Variants in ZNF480 observed in about 807,000 individuals in gnomAD.
ZNF480 encodes zinc finger protein 480.
Under a neutral mutation model 14.4 loss-of-function variants are expected in ZNF480, and 15 were observed. The observed-to-expected ratio is 1.04, with a 90% confidence interval of 0.70 to 1.60. ZNF480 has a LOEUF of 1.60. ZNF480 is among the 40% of genes most tolerant of loss of function. The probability of loss-of-function intolerance (pLI) is 0.00; values close to 1 mark genes in which losing one functional copy is unlikely to be tolerated. For synonymous variants in ZNF480, 218 were observed against 215.5 expected (o/e 1.01, Z -0.10); for missense variants, 593 against 629.7 (o/e 0.94, Z 0.62).
chr19:52,297,319 G>T (rs747307739), intron 1 of ZNF480, 96 bp downstream of exon 1: 14 of 410,950 alleles, frequency 3.4e-5, no homozygotes, highest in South Asian at 1.5e-4. Context: ...TGAAATCCTC[G>T]CACCGCTCCC....
intron 3 of ZNF480, among the ~76,000 whole-genome samples, chr19:52,315,299 C>T (rs1170429722): frequency 1.3e-5 from 2 of 151,608 alleles, no homozygotes; most frequent in Admixed American, 1.3e-4. Context: ...CTGTTTTCTA[C>T]TCCTGTGCTT....
intron 4 of ZNF480, among the ~76,000 whole-genome samples, chr19:52,320,684 C>G (rs1018653544): frequency 2.0e-5 from 3 of 152,212 alleles, no homozygotes; most frequent in Admixed American, 6.5e-5. Context: ...CCCAGTTACT[C>G]GGGAGGCTGA....
chr19:52,297,615 C>T (rs3810121), intron 1 of ZNF480, among the ~76,000 whole-genome samples: 5 of 152,142 alleles, frequency 3.3e-5, no homozygotes, highest in Non-Finnish European at 7.4e-5. Context: ...CAGGAGAAGC[C>T]GCGTCTTCTG....
chr19:52,310,012 TA>T (rs1405772877), intron 2 of ZNF480, among the ~76,000 whole-genome samples: 2 of 152,224 alleles, frequency 1.3e-5, no homozygotes, highest in South Asian at 2.1e-4. Flanking sequence ...TTTTTCAATA[TA>T]TTTTTTTCTT....
intron 2 of ZNF480, among the ~76,000 whole-genome samples, chr19:52,309,405 G>C (rs1411898887): frequency 6.6e-6 from 1 of 152,188 alleles, no homozygotes; most frequent in Non-Finnish European, 1.5e-5. Flanking sequence ...GCAATAGGAA[G>C]CTGGGGTCTG....
chr19:52,302,566 G>A (rs1044327948), intron 2 of ZNF480, among the ~76,000 whole-genome samples: 4 of 152,182 alleles, frequency 2.6e-5, no homozygotes, highest in African/African-American at 9.7e-5. Flanking sequence ...TGCAGAAAAT[G>A]CCATTTAACA....
chr19:52,309,261 G>A (rs1983152483), intron 2 of ZNF480, among the ~76,000 whole-genome samples: 1 of 152,190 alleles, frequency 6.6e-6, no homozygotes. Flanking sequence ...AGCCCAGCTG[G>A]AGACTCTGGA....
chr19:52,300,248 A>T, intron 1 of ZNF480, 146 bp from the exon 2 acceptor site: 2 of 840,820 alleles, frequency 2.4e-6, no homozygotes, highest in Non-Finnish European at 3.6e-6. Context: ...TTCCTGTAGG[A>T]GTTTCTTGTC....
At position 52,325,174 on chromosome 19, in the gene ZNF480, C is replaced by T. The variant is rs1208849558; in HGVS notation, c.*2316C>T. On this transcript the variant is annotated 3_prime_UTR_variant, in exon 5 of 5. Coordinates refer to ENST00000595962, the MANE Select transcript of ZNF480 (RefSeq NM_144684.4). ...CATATGAAAAAAATGGTTAATATCG[C>T]TAATCATTAAGGAAATGCAATCAAA... 6.6e-6 allele frequency: 1 copy of T among 152,148 alleles called. No individual in the cohort carries two copies. The highest frequency in any genetic ancestry group is 2.4e-5 in the African/African-American group (1 of 41,436). The allele number at this position is 152,148 out of a possible 1,614,324, so 9.4% of individuals were successfully genotyped here. A position where few individuals can be genotyped will look rare whatever the true frequency, so the allele number is the denominator to read the frequency against.
rs78492332 is a variant in ZNF480 at position 52,321,959 on chromosome 19, G to A, written c.709G>A (p.Gly237Ser). 5,745 of 1,612,336 alleles carry A rather than the reference G, an allele frequency of 3.6e-3. 16 individuals are homozygous for A. The highest frequency in any genetic ancestry group is 4.6e-3 in the Non-Finnish European group (5,454 of 1,178,610). ...VEKPYKCNSC[G>S]KVFSRNSHLA... ...GAAACCTTACAAATGTAATTCATGC[G>A]GCAAGGTCTTTAGTCGCAATTCACA... is the stretch of plus-strand genomic sequence containing the variant. Residue 237 changes from glycine (G) to serine (S), a missense_variant, in exon 5 of 5, where the codon GGC (glycine) becomes AGC (serine). Coordinates refer to ENST00000595962, the MANE Select transcript of ZNF480 (RefSeq NM_144684.4).
At chr19:52,319,495 C>T (rs1910327353) in intron 4 of ZNF480, among the ~76,000 whole-genome samples, 1 of 152,222 alleles carries the variant, frequency 6.6e-6, no homozygotes, top group South Asian at 2.1e-4. Flanking sequence ...TTTTGTTGCT[C>T]CTGTCAAAAT....
intron 3 of ZNF480, among the ~76,000 whole-genome samples, chr19:52,315,540 C>T (rs1158958354): frequency 6.6e-6 from 1 of 151,776 alleles, no homozygotes; most frequent in Admixed American, 6.6e-5. Flanking sequence ...AGGCTGATCT[C>T]GAACTCCCGA....
At chr19:52,303,472 T>C (rs184960963) in intron 2 of ZNF480, among the ~76,000 whole-genome samples, 25 of 152,252 alleles carry the variant, frequency 1.6e-4, no homozygotes, top group Non-Finnish European at 3.4e-4. Flanking sequence ...CAATTCAAAT[T>C]CTCCCATTCC....
Position 52,322,989 on chromosome 19 carries a change from T to C in ZNF480, c.*131T>C. ...TGACAAGGTCTTCAAACACAAGTTT[T>C]TCTAATAACTCATTAGAGAATTTAT... On this transcript the variant is annotated 3_prime_UTR_variant, in exon 5 of 5. Transcript: ENST00000595962. 1 of 665,192 alleles carries C rather than the reference T, an allele frequency of 1.5e-6. No individual in the cohort carries two copies. The highest frequency in any genetic ancestry group is 2.3e-6 in the Non-Finnish European group (1 of 432,290). The allele number at this position is 665,192 out of a possible 1,614,324, so 41.2% of individuals were successfully genotyped here. A position where few individuals can be genotyped will look rare whatever the true frequency, so the allele number is the denominator to read the frequency against.
intron 4 of ZNF480, among the ~76,000 whole-genome samples, chr19:52,320,894 C>T (rs1983778483): frequency 6.6e-6 from 1 of 152,136 alleles, no homozygotes; most frequent in Admixed American, 6.6e-5. Flanking sequence ...GGAGAGATCG[C>T]TTGAGCTGGG....
In ZNF480 at chr19:52,300,445, G is replaced by A. The variant is rs1456406594; in HGVS notation, c.33G>A (p.Arg11=). Residue 11 remains arginine, a synonymous_variant, in exon 2 of 5, where the codon AGG becomes AGA. Transcript: ENST00000595962. ...GTGATGAAAAAGCCCAGAAGAGAAG[G>A]AAGAGGAAAGCAAAGGAGTCAGGGA... MLCDEKAQKR[R]KRKAKESGMA... 6.2e-7 allele frequency: 1 copy of A among 1,613,454 alleles called. No homozygotes were observed. Among genetic ancestry groups the A allele is most frequent in the Non-Finnish European group, 8.5e-7 (1 of 1,179,822 alleles).
intron 2 of ZNF480, among the ~76,000 whole-genome samples, chr19:52,308,242 A>G (rs1983065103): frequency 1.3e-5 from 2 of 152,076 alleles, no homozygotes; most frequent in South Asian, 2.1e-4. Context: ...ATTATGCACA[A>G]GCACCTAGTA....
At chr19:52,298,412 C>T (rs963729913) in intron 1 of ZNF480, among the ~76,000 whole-genome samples, 2 of 152,172 alleles carry the variant, frequency 1.3e-5, no homozygotes, top group Non-Finnish European at 2.9e-5. Flanking sequence ...GTGGGTGGAT[C>T]ACGTGAGGTC....
rs1983839251 is a variant in ZNF480 at position 52,321,945 on chromosome 19, A to G, written c.695A>G (p.Lys232Arg). ...QVIHTVEKPY[K>R]CNSCGKVFSR... ...ATCCATACTGTAGAGAAACCTTACA[A>G]ATGTAATTCATGCGGCAAGGTCTTT... Residue 232 changes from lysine (K) to arginine (R), a missense_variant, in exon 5 of 5, where the codon AAA becomes AGA. Transcript: ENST00000595962. The G allele has an allele frequency of 6.2e-7, 1 of 1,612,450 alleles. No homozygotes were observed.
Sources: gnomAD v4.1 joint callset for allele counts (sites outside exome capture counted in the v4.1 genomes callset) on GRCh38, gnomAD v4.1.1 for gene constraint, MANE v1.5 for transcripts, NCBI Gene and HGNC (gene_info 2026-07-23, HGNC 2026-07-21) for gene names.